Variants in PCDH9 observed in about 807,000 individuals in gnomAD.
PCDH9 encodes the protein protocadherin 9.
A neutral mutation model predicts 70.6 loss-of-function variants in PCDH9; 24 were observed. The ratio of observed to expected loss-of-function variants is 0.34; its 90% CI spans 0.25 to 0.48. PCDH9 has a LOEUF of 0.48. PCDH9 is among the 20% of genes least tolerant of loss of function. The pLI is 0.99. For missense variants in PCDH9, 1,281 were observed against 1,503.6 expected (o/e 0.85, Z 2.45); for synonymous variants, 562 against 558.5 (o/e 1.01, Z -0.09).
At chr13:67,013,297 A>ACACACACACACACACACAC (rs2084490103) in intron 2 of PCDH9, among the ~76,000 whole-genome samples, 2 of 150,650 alleles carry the variant, frequency 1.3e-5, no homozygotes, top group South Asian at 2.1e-4. Context: ...ACACACACAC[A>ACACACACACACACACACAC]ATCCTACACA....
chr13:66,745,650 A>G (rs766209530), intron 3 of PCDH9, among the ~76,000 whole-genome samples: 1 of 152,198 alleles, frequency 6.6e-6, no homozygotes, highest in Non-Finnish European at 1.5e-5. Flanking sequence ...AGGAATGTTA[A>G]CAGTCTGTCT....
intron 4 of PCDH9, among the ~76,000 whole-genome samples, chr13:66,537,220 T>C (rs1038423046): frequency 6.6e-6 from 1 of 152,074 alleles, no homozygotes; most frequent in African/African-American, 2.4e-5. Flanking sequence ...CCCCTGAGTC[T>C]TCAGGGCTCA....
intron 3 of PCDH9, among the ~76,000 whole-genome samples, chr13:66,757,704 T>C (rs1026004042): frequency 3.3e-5 from 5 of 152,134 alleles, no homozygotes; most frequent in Admixed American, 6.6e-5. Context: ...CTGACTACTA[T>C]AGAAATAAAA....
chr13:66,781,648 A>G (rs747982100), intron 3 of PCDH9, among the ~76,000 whole-genome samples: 2 of 152,140 alleles, frequency 1.3e-5, no homozygotes, highest in Non-Finnish European at 2.9e-5. Context: ...ATTTTTTGGC[A>G]TGTAAGGACC....
chr13:66,924,226 A>G (rs534691701), intron 2 of PCDH9, among the ~76,000 whole-genome samples: 4 of 151,980 alleles, frequency 2.6e-5, no homozygotes, highest in South Asian at 2.1e-4. Context: ...ATTCAACAAC[A>G]TATCTATTCT....
intron 2 of PCDH9, among the ~76,000 whole-genome samples, chr13:67,109,891 AT>A (rs2138265596): frequency 6.6e-6 from 1 of 152,256 alleles, no homozygotes; most frequent in African/African-American, 2.4e-5. Flanking sequence ...GCAAAGGAAA[AT>A]ATACCTCTTG....
chr13:66,682,845 A>C (rs1332847618), intron 3 of PCDH9, among the ~76,000 whole-genome samples: 1 of 152,146 alleles, frequency 6.6e-6, no homozygotes, highest in Non-Finnish European at 1.5e-5. Context: ...GGATCCATTC[A>C]GTTTCCGCAG....
rs1227372417 is a variant in PCDH9 at position 67,049,530 on chromosome 13, A to AAGAGGCATATATGTATAT, written c.3037-145943_3037-145926dup. Among the ~76,000 whole-genome samples, 9 of 152,330 alleles carry AAGAGGCATATATGTATAT rather than the reference A, an allele frequency of 5.9e-5. No individual in the cohort carries two copies. The East Asian group carries it at 1.7e-3, about 29-fold the overall frequency. On this transcript the variant is annotated intron_variant, in intron 2 of 4. Transcript: ENST00000377865. ...CTCATTGTTGGTGGAGCATAAGCCC[A>AAGAGGCATATATGTATAT]AGAGGCATATATGTATATATCAAGA...
intron 2 of PCDH9, among the ~76,000 whole-genome samples, chr13:67,009,910 A>C (rs2084422427): frequency 6.6e-6 from 1 of 152,024 alleles, no homozygotes; most frequent in African/African-American, 2.4e-5. Context: ...TTTAATAAAG[A>C]AATGTCCTAC....
chr13:66,496,017 C>T lies in PCDH9; in HGVS notation c.3340+135193G>A, dbSNP rs547377765. 2.6e-5 allele frequency among the ~76,000 whole-genome samples: 4 copies of T among 152,264 alleles called. 1 individual carries two copies. Among genetic ancestry groups the T allele is most frequent in the South Asian group, 4.2e-4 (2 of 4,812 alleles). Reference sequence around the variant, plus strand: ...TTAAACTGTTTAAGATTGTACAAAGCCCATAGCAATACTTATAAAATTTTG... The same window carrying T: ...TTAAACTGTTTAAGATTGTACAAAGTCCATAGCAATACTTATAAAATTTTG... On this transcript the variant is annotated intron_variant, in intron 4 of 4. Coordinates refer to ENST00000377865, the MANE Select transcript of PCDH9 (RefSeq NM_203487.3).
intron 2 of PCDH9, among the ~76,000 whole-genome samples, chr13:66,987,405 G>C (rs2083913708): frequency 6.6e-6 from 1 of 151,982 alleles, no homozygotes; most frequent in South Asian, 2.1e-4. Context: ...AATAGCACAT[G>C]CTGTTGATAC....
intron 2 of PCDH9, among the ~76,000 whole-genome samples, chr13:66,929,657 A>G (rs1262056357): frequency 1.3e-5 from 2 of 152,062 alleles, no homozygotes; most frequent in East Asian, 3.9e-4. Flanking sequence ...TGTGTTCTAT[A>G]CCATAATAAT....
At chr13:66,785,533 C>T (rs1178996230) in intron 3 of PCDH9, among the ~76,000 whole-genome samples, 1 of 151,664 alleles carries the variant, frequency 6.6e-6, no homozygotes, top group African/African-American at 2.4e-5. Context: ...GAAGTATTTA[C>T]CCCAGAGAAT....
At chr13:67,106,963 G>C (rs1253186354) in intron 2 of PCDH9, among the ~76,000 whole-genome samples, 1 of 152,218 alleles carries the variant, frequency 6.6e-6, no homozygotes, top group Non-Finnish European at 1.5e-5. Flanking sequence ...CAAGGCCAAG[G>C]TGGGGCTGAG....
intron 2 of PCDH9, among the ~76,000 whole-genome samples, chr13:66,982,160 G>A (rs1434934745): frequency 6.6e-6 from 1 of 152,182 alleles, no homozygotes; most frequent in Non-Finnish European, 1.5e-5. Flanking sequence ...AATGTGAAGT[G>A]CCTGCTCCGG....
At chr13:66,856,091 C>T (rs2081390472) in intron 3 of PCDH9, among the ~76,000 whole-genome samples, 1 of 151,834 alleles carries the variant, frequency 6.6e-6, no homozygotes, top group African/African-American at 2.4e-5. Context: ...TTCAGATTTT[C>T]TTTATTCCTT....
intron 2 of PCDH9, among the ~76,000 whole-genome samples, chr13:67,095,459 T>G (rs1428704077): frequency 6.6e-6 from 1 of 152,120 alleles, no homozygotes; most frequent in African/African-American, 2.4e-5. Flanking sequence ...TAAACAATAG[T>G]CAAACAATGT....
intron 3 of PCDH9, among the ~76,000 whole-genome samples, chr13:66,746,328 ACTCT>A (rs367967912): frequency 6.6e-6 from 1 of 152,222 alleles, no homozygotes; most frequent in African/African-American, 2.4e-5. Flanking sequence ...AATTATAAAA[ACTCT>A]CTCAATATTT....
chr13:66,304,957 G>A lies in PCDH9; in HGVS notation c.3412C>T (p.His1138Tyr). ...MCTQECLVLG[H>Y]SDNCWMPPGL... ...GGAGGCATCCAGCAATTATCAGAGTGACCCAAAACCAAGCACTCTTGAGTG... is the reference window on the plus strand; with the variant it reads ...GGAGGCATCCAGCAATTATCAGAGTAACCCAAAACCAAGCACTCTTGAGTG... The change falls in exon 5 of 5, where the codon CAC becomes TAC. Residue 1138 changes from histidine to tyrosine, a missense_variant. By Grantham distance (83) the His-to-Tyr change is moderately conservative (BLOSUM62 2). Transcript: ENST00000377865. The A allele has an allele frequency of 1.9e-6, 3 of 1,613,418 alleles. No individual in the cohort carries two copies. Among genetic ancestry groups the A allele is most frequent in the Non-Finnish European group, 2.5e-6 (3 of 1,179,680 alleles).
Sources: gnomAD v4.1 joint callset for allele counts (sites outside exome capture counted in the v4.1 genomes callset) on GRCh38, gnomAD v4.1.1 for gene constraint, MANE v1.5 for transcripts, NCBI Gene and HGNC (gene_info 2026-07-23, HGNC 2026-07-21) for gene names.